The following A1CF variants were observed in gnomAD, a reference collection of about 807,000 sequenced individuals.
The protein encoded by A1CF is APOBEC-1 stimulating protein.
A1CF carries 48 observed loss-of-function variants against 68.9 expected under a neutral mutation model. The observed-to-expected ratio is 0.70, with a 90% confidence interval of 0.55 to 0.89. The LOEUF (loss-of-function observed/expected upper bound fraction) is 0.89. A1CF is among the 40% of genes least tolerant of loss of function. The pLI is 0.00. For missense variants in A1CF, 653 were observed against 718.9 expected, an observed-to-expected ratio of 0.91 and a Z score of 1.05; for synonymous variants, 272 against 260.4, an observed-to-expected ratio of 1.04 and a Z score of -0.43.
At position 50,836,094 on chromosome 10, in the gene A1CF, G is replaced by C; in HGVS notation, c.584C>G (p.Ala195Gly). ...CTAACCTGGTAGCAGTTTCCTCCTC[G>C]CCATGGCAGCTGCTCGATGACTCTC... is the stretch of plus-strand genomic sequence containing the variant. ...EYESHRAAAM[A>G]RRKLLPGRIQ... The change falls in exon 6 of 13, where the codon GCG (alanine) becomes GGG (glycine). Residue 195 changes from alanine to glycine, a missense_variant. By Grantham distance (60) the Ala-to-Gly change is moderately conservative. Transcript: ENST00000373997. 6.2e-7 allele frequency: 1 copy of C among 1,610,698 alleles called. No individual in the cohort carries two copies. Among genetic ancestry groups the C allele is most frequent in the African/African-American group, 1.3e-5 (1 of 74,884 alleles).
At chr10:50,854,647 T>C (rs1443263176) in intron 3 of A1CF, among the ~76,000 whole-genome samples, 1 of 151,938 alleles carries the variant, frequency 6.6e-6, no homozygotes, top group Non-Finnish European at 1.5e-5. Context: ...TTTAGATACA[T>C]TCTTTTTCAT....
intron 6 of A1CF, among the ~76,000 whole-genome samples, chr10:50,831,881 C>T (rs1564508616): frequency 6.6e-6 from 1 of 152,076 alleles, no homozygotes; most frequent in Non-Finnish European, 1.5e-5. Flanking sequence ...CACCTCACAC[C>T]TGGTAGAATG....
At chr10:50,865,102 C>T (rs1382747137) in intron 1 of A1CF, among the ~76,000 whole-genome samples, 1 of 151,988 alleles carries the variant, frequency 6.6e-6, no homozygotes, top group Non-Finnish European at 1.5e-5. Context: ...AAGCTCATTT[C>T]AACAAAAAAT....
At chr10:50,818,541 T>C (rs1441002112) in intron 8 of A1CF, among the ~76,000 whole-genome samples, 2 of 152,170 alleles carry the variant, frequency 1.3e-5, no homozygotes, top group East Asian at 1.9e-4. Context: ...ATTTAATTTG[T>C]GATGGCTGTT....
intron 7 of A1CF, among the ~76,000 whole-genome samples, chr10:50,825,301 T>C (rs908676838): frequency 6.6e-6 from 1 of 152,122 alleles, no homozygotes; most frequent in Non-Finnish European, 1.5e-5. Context: ...AGGATATTAC[T>C]ACTATGATAA....
At chr10:50,868,564 C>T (rs974031089) in intron 1 of A1CF, among the ~76,000 whole-genome samples, 2 of 152,006 alleles carry the variant, frequency 1.3e-5, no homozygotes, top group Non-Finnish European at 2.9e-5. Context: ...AAAAACTAAC[C>T]AGAACCTCCT....
chr10:50,846,135 T>C (rs924281427), intron 3 of A1CF, among the ~76,000 whole-genome samples: 1 of 152,156 alleles, frequency 6.6e-6, no homozygotes. Context: ...AGTGCCAACA[T>C]GATGCCACAA....
At chr10:50,863,753 A>T (rs1246776811) in intron 2 of A1CF, among the ~76,000 whole-genome samples, 1 of 152,134 alleles carries the variant, frequency 6.6e-6, no homozygotes, top group Admixed American at 6.5e-5. Flanking sequence ...GGAGATGAAT[A>T]GAAGTTGGTT....
In A1CF at chr10:50,836,176, C is replaced by G; in HGVS notation, c.502G>C (p.Val168Leu). The change falls in exon 6 of 13, where the codon GTC becomes CTC. Residue 168 changes from valine (V) to leucine (L), a missense_variant. Physicochemically the swap from Val to Leu is conservative, Grantham distance 32. Coordinates refer to ENST00000373997, the MANE Select transcript of A1CF (RefSeq NM_014576.4). Reference protein sequence around the residue: ...KVTEGVVDVIVYPSAADKTKN... With the variant: ...KVTEGVVDVILYPSAADKTKN... Reference sequence around the variant, plus strand: ...GTTTTATCTGCAGCGCTTGGGTAGACGATGACATCGACAACACCTTCAGTA... The same window carrying G: ...GTTTTATCTGCAGCGCTTGGGTAGAGGATGACATCGACAACACCTTCAGTA... 1 of 1,613,928 alleles carries G rather than the reference C, an allele frequency of 6.2e-7. No individual in the cohort carries two copies. The highest frequency in any genetic ancestry group is 1.1e-5 in the South Asian group (1 of 91,080).
intron 7 of A1CF, among the ~76,000 whole-genome samples, chr10:50,826,801 G>A: frequency 6.6e-6 from 1 of 152,024 alleles, no homozygotes; most frequent in Non-Finnish European, 1.5e-5. Context: ...TAAAAGGTAA[G>A]TGGGCTAAAT....
intron 1 of A1CF, among the ~76,000 whole-genome samples, chr10:50,882,010 A>G (rs932673069): frequency 1.3e-5 from 2 of 152,252 alleles, no homozygotes; most frequent in Non-Finnish European, 2.9e-5. Context: ...AGAGCTCTCA[A>G]GATACCAGCA....
intron 1 of A1CF, among the ~76,000 whole-genome samples, chr10:50,879,940 G>T (rs1237917993): frequency 2.6e-5 from 4 of 152,154 alleles, no homozygotes; most frequent in Non-Finnish European, 4.4e-5. Context: ...GTGAGACTTG[G>T]AGTGAAGGGA....
chr10:50,859,634 G>T (rs550283547), intron 3 of A1CF, among the ~76,000 whole-genome samples: 5 of 152,178 alleles, frequency 3.3e-5, no homozygotes, highest in African/African-American at 7.2e-5. Flanking sequence ...ACAAGTTAAG[G>T]TTGAATTGAT....
chr10:50,802,389 A>G lies in A1CF; in HGVS notation c.*4340T>C, dbSNP rs1193649243. 2 of 152,204 alleles carry G rather than the reference A, an allele frequency of 1.3e-5. No individual in the cohort carries two copies. Among genetic ancestry groups the G allele is most frequent in the East Asian group, 1.9e-4 (1 of 5,200 alleles). The allele number at this position is 152,204 out of a possible 1,614,324, so 9.4% of individuals were successfully genotyped here. A position where few individuals can be genotyped will look rare whatever the true frequency, so the allele number is the denominator to read the frequency against. On this transcript the variant is annotated 3_prime_UTR_variant, in exon 13 of 13. Coordinates refer to ENST00000373997, the MANE Select transcript of A1CF (RefSeq NM_014576.4). ...AGTTTCTTCCTGTCTTCCAATAAGT[A>G]TATACAAAATCTTAAGTTATCCTAT...
chr10:50,836,576 C>T (rs1839504848), intron 5 of A1CF, among the ~76,000 whole-genome samples: 2 of 151,946 alleles, frequency 1.3e-5, no homozygotes, highest in African/African-American at 4.8e-5. Flanking sequence ...TTCTAGGGTA[C>T]ATGTGCACAA....
intron 2 of A1CF, among the ~76,000 whole-genome samples, chr10:50,860,943 C>A (rs1240184831): frequency 6.6e-6 from 1 of 152,126 alleles, no homozygotes; most frequent in African/African-American, 2.4e-5. Flanking sequence ...TGGGTTTTCA[C>A]CCTGCTTAAT....
intron 3 of A1CF, among the ~76,000 whole-genome samples, chr10:50,848,709 T>C (rs1480826200): frequency 6.6e-6 from 1 of 152,200 alleles, no homozygotes. Context: ...GGGAAGAAAC[T>C]GTGTATTTTT....
intron 1 of A1CF, among the ~76,000 whole-genome samples, chr10:50,869,018 G>A (rs1589042147): frequency 2.0e-5 from 3 of 152,104 alleles, no homozygotes; most frequent in Middle Eastern, 3.4e-3. Flanking sequence ...AGAGGAACAG[G>A]AAAAATAACT....
At chr10:50,858,611 G>A (rs1171733495) in intron 3 of A1CF, among the ~76,000 whole-genome samples, 4 of 152,012 alleles carry the variant, frequency 2.6e-5, no homozygotes, top group African/African-American at 9.7e-5. Context: ...GGGTTGAAAT[G>A]CTTTCTATTT....
Sources: allele counts gnomAD v4.1 joint callset (sites outside exome capture counted in the v4.1 genomes callset), GRCh38; gene constraint gnomAD v4.1.1; transcripts MANE v1.5; gene names NCBI Gene and HGNC (gene_info 2026-07-23, HGNC 2026-07-21).